Variants in TMPRSS9 observed in about 807,000 individuals in gnomAD.
The protein encoded by TMPRSS9 is transmembrane protease serine 9.
Under a neutral mutation model 111.4 loss-of-function variants are expected in TMPRSS9, and 113 were observed. That is an observed-to-expected ratio of 1.01 (90% confidence interval 0.87 to 1.19). The LOEUF (loss-of-function observed/expected upper bound fraction) is 1.19. Among genes scored for constraint, TMPRSS9 ranks in the 50% most tolerant of loss-of-function variants. The pLI, the probability that TMPRSS9 is intolerant of heterozygous loss-of-function variation, is 0.00. For synonymous variants in TMPRSS9, 805 were observed against 659.1 expected, an observed-to-expected ratio of 1.22 and a Z score of -3.39; for missense variants, 1,803 against 1,513.1, an observed-to-expected ratio of 1.19 and a Z score of -3.18.
chr19:2,372,742 AT>A (rs542494630), intron 1 of TMPRSS9, among the ~76,000 whole-genome samples: 8 of 151,274 alleles, frequency 5.3e-5, no homozygotes, highest in East Asian at 1.9e-4. Context: ...TGGCTGACTT[AT>A]TTTTTTTTAA....
chr19:2,365,790 C>T (rs1215105082), intron 1 of TMPRSS9, among the ~76,000 whole-genome samples: 3 of 151,708 alleles, frequency 2.0e-5, no homozygotes, highest in African/African-American at 4.8e-5. Flanking sequence ...ATAGCAAGAC[C>T]CCATCTGTAC....
chr19:2,412,159 T>C lies in TMPRSS9; in HGVS notation c.1255-1541T>C, dbSNP rs192751728. On this transcript the variant is annotated intron_variant, in intron 9 of 17. Coordinates refer to ENST00000648592, the Ensembl canonical transcript of TMPRSS9. ...CTGTAATCCCAGTACTTTGGGAGGC[T>C]GAGGCAGCCAGGTCGCTTGAGGCCA... Among the ~76,000 whole-genome samples the C allele has an allele frequency of 6.4e-4, 97 of 152,210 alleles. 1 individual carries two copies. The highest frequency in any genetic ancestry group is 2.3e-3 in the African/African-American group (94 of 41,544).
At chr19:2,377,343 C>T (rs2145254850) in intron 1 of TMPRSS9, among the ~76,000 whole-genome samples, 1 of 147,152 alleles carries the variant, frequency 6.8e-6, no homozygotes, top group South Asian at 2.2e-4. Flanking sequence ...CTGTGTTGCC[C>T]AGGCTGGTCT....
intron 15 of TMPRSS9, among the ~76,000 whole-genome samples, chr19:2,424,534 G>GCCCCCCCCCCCCCC (rs879741232): frequency 1.5e-5 from 2 of 134,244 alleles, no homozygotes; most frequent in African/African-American, 6.0e-5. Flanking sequence ...GGAAGCTGCG[G>GCCCCCCCCCCCCCC]CCCCCCCCCT....
intron 1 of TMPRSS9, among the ~76,000 whole-genome samples, chr19:2,369,096 C>T (rs776713269): frequency 2.6e-5 from 4 of 151,580 alleles, no homozygotes; most frequent in Non-Finnish European, 4.4e-5. Context: ...GGATTACAGG[C>T]GCCCACCACC....
At chr19:2,386,364 G>A (rs1970474793), upstream of TMPRSS9, among the ~76,000 whole-genome samples, 1 of 151,978 alleles carries the variant, frequency 6.6e-6, no homozygotes, top group African/African-American at 2.4e-5. Context: ...AATTAGCTGG[G>A]CGTGGTGGCG....
At chr19:2,387,130 G>T (rs1970493593), upstream of TMPRSS9, among the ~76,000 whole-genome samples, 2 of 152,216 alleles carry the variant, frequency 1.3e-5, no homozygotes, top group African/African-American at 4.8e-5. Context: ...GCCAAGGCGG[G>T]TGGATCACCT....
At chr19:2,408,090 G>T (rs918757036) in intron 7 of TMPRSS9, among the ~76,000 whole-genome samples, 1 of 150,608 alleles carries the variant, frequency 6.6e-6, no homozygotes, top group African/African-American at 2.4e-5. Context: ...CCTGTTTTTT[G>T]TTGTTGTTTT....
intron 9 of TMPRSS9, among the ~76,000 whole-genome samples, chr19:2,411,299 C>CAAAAAAAAAAA (rs771305642): frequency 1.9e-4 from 6 of 32,322 alleles, no homozygotes; most frequent in Non-Finnish European, 2.9e-4. Flanking sequence ...GACTCTGTCT[C>CAAAAAAAAAAA]AAAAAAAAAA....
chr19:2,425,069 C>A, exon 16 of TMPRSS9: 6 of 1,572,222 alleles, frequency 3.8e-6, no homozygotes, highest in Non-Finnish European at 5.1e-6. Flanking sequence ...GGAGGGGCAG[C>A]TGGAGCGCGT....
chr19:2,363,315 T>C (rs1195495151), intron 1 of TMPRSS9, among the ~76,000 whole-genome samples: 1 of 152,208 alleles, frequency 6.6e-6, no homozygotes. Context: ...CTGGGGACTC[T>C]GTCCGCGGGG....
At position 2,382,315 on chromosome 19, in the gene TMPRSS9, A is replaced by G. The variant is rs1324105750; in HGVS notation, c.-25-7446A>G. Reference sequence around the variant, plus strand: ...GCCCGGCTAATTTTTTTATTTTGGTAGAGATGGGGTTTCGCCATGTTGGCC... The same window carrying G: ...GCCCGGCTAATTTTTTTATTTTGGTGGAGATGGGGTTTCGCCATGTTGGCC... On this transcript the variant is annotated intron_variant, in intron 1 of 17. Transcript: ENST00000649857. Among the ~76,000 whole-genome samples the G allele has an allele frequency of 2.6e-5, 4 of 151,568 alleles. No homozygotes were observed. The East Asian group carries it at 7.8e-4, about 29-fold the overall frequency.
intron 13 of TMPRSS9, among the ~76,000 whole-genome samples, chr19:2,418,347 T>TC (rs1971325319): frequency 4.0e-5 from 1 of 24,706 alleles, no homozygotes; most frequent in African/African-American, 4.2e-4. Flanking sequence ...TTCCCTCCCT[T>TC]TCCCTCCCTC....
At chr19:2,417,480 A>T (rs1971273056) in intron 12 of TMPRSS9, among the ~76,000 whole-genome samples, 1 of 150,644 alleles carries the variant, frequency 6.6e-6, no homozygotes, top group Admixed American at 6.6e-5. Flanking sequence ...AAAAAAAAAA[A>T]AAATAGAAAA....
intron 13 of TMPRSS9, 135 bp from the exon 15 acceptor site, chr19:2,421,719 C>A (rs1971465413): frequency 1.1e-6 from 1 of 910,792 alleles, no homozygotes; most frequent in South Asian, 1.8e-5. Context: ...GCAGTCAGGT[C>A]TCCAGACCCG....
chr19:2,389,020 C>T (rs906044736), upstream of TMPRSS9, among the ~76,000 whole-genome samples: 1 of 151,656 alleles, frequency 6.6e-6, no homozygotes, highest in African/African-American at 2.4e-5. Flanking sequence ...TGGACCGCAG[C>T]GACCCACGGG....
chr19:2,413,357 A>G (rs1326729922), intron 9 of TMPRSS9, among the ~76,000 whole-genome samples: 1 of 152,192 alleles, frequency 6.6e-6, no homozygotes, highest in Non-Finnish European at 1.5e-5. Flanking sequence ...CCCGCGTGGC[A>G]GCCATACTGC....
At chr19:2,371,037 C>G (rs1970285668) in intron 1 of TMPRSS9, among the ~76,000 whole-genome samples, 1 of 152,074 alleles carries the variant, frequency 6.6e-6, no homozygotes, top group African/African-American at 2.4e-5. Context: ...ATTTTTCTCC[C>G]AGGGCCAATA....
intron 13 of TMPRSS9, among the ~76,000 whole-genome samples, chr19:2,420,088 A>G (rs1421213584): frequency 6.6e-6 from 1 of 152,098 alleles, no homozygotes; most frequent in Non-Finnish European, 1.5e-5. Context: ...TCTTGAGGCC[A>G]GGTGTCTAGG....
Sources: allele counts gnomAD v4.1 joint callset (sites outside exome capture counted in the v4.1 genomes callset), GRCh38; gene constraint gnomAD v4.1.1; transcripts MANE v1.5; gene names NCBI Gene and HGNC (gene_info 2026-07-23, HGNC 2026-07-21).